Variants in PRKAR1B observed in about 807,000 individuals in gnomAD.
PRKAR1B encodes protein kinase cAMP-dependent type I regulatory subunit beta, also known as cAMP-dependent protein kinase type I-beta regulatory subunit.
Under a neutral mutation model 46.5 loss-of-function variants are expected in PRKAR1B, and 22 were observed. That is an observed-to-expected ratio of 0.47 (90% confidence interval 0.34 to 0.68). The LOEUF (loss-of-function observed/expected upper bound fraction) is 0.68, where lower values mean the gene tolerates loss of function less well. Among genes scored for constraint, PRKAR1B ranks in the 30% least tolerant of loss-of-function variants. PRKAR1B has a pLI of 0.01. For synonymous variants in PRKAR1B, 259 were observed against 217.7 expected (o/e 1.19, Z -1.67); for missense variants, 445 against 535.6 (o/e 0.83, Z 1.67).
At chr7:638,443 CCT>C (rs923222910) in intron 4 of PRKAR1B, among the ~76,000 whole-genome samples, 1 of 152,164 alleles carries the variant, frequency 6.6e-6, no homozygotes, top group Non-Finnish European at 1.5e-5. Context: ...CTCAGCAACT[CCT>C]CTGTGCACTC....
intron 8 of PRKAR1B, among the ~76,000 whole-genome samples, chr7:580,544 T>A (rs978047356): frequency 2.0e-5 from 3 of 152,242 alleles, no homozygotes; most frequent in Admixed American, 2.0e-4. Flanking sequence ...TACGTTCTAC[T>A]ATTTTAGGTC....
At chr7:676,158 C>T (rs1359533474) in intron 4 of PRKAR1B, among the ~76,000 whole-genome samples, 1 of 152,128 alleles carries the variant, frequency 6.6e-6, no homozygotes, top group Non-Finnish European at 1.5e-5. Context: ...GCCTGTCCCC[C>T]AAATATCCCC....
At chr7:708,320 C>T (rs1780438648) in intron 2 of PRKAR1B, among the ~76,000 whole-genome samples, 1 of 152,154 alleles carries the variant, frequency 6.6e-6, no homozygotes, top group Admixed American at 6.5e-5. Context: ...TGGGAGGAGA[C>T]ATTTCTGTTT....
chr7:596,867 G>A (rs1185384133), intron 6 of PRKAR1B, among the ~76,000 whole-genome samples: 1 of 152,278 alleles, frequency 6.6e-6, no homozygotes. Context: ...TCTCCTGCCA[G>A]GGCCTCCCTC....
intron 8 of PRKAR1B, among the ~76,000 whole-genome samples, chr7:583,823 C>G (rs1475338747): frequency 1.3e-5 from 2 of 152,116 alleles, no homozygotes; most frequent in African/African-American, 4.8e-5. Context: ...CACACACACG[C>G]ACACACACCC....
intron 9 of PRKAR1B, among the ~76,000 whole-genome samples, chr7:557,761 G>A (rs894109971): frequency 6.6e-6 from 1 of 152,194 alleles, no homozygotes; most frequent in Non-Finnish European, 1.5e-5. Context: ...CCACTTCCCA[G>A]ACTGCCACGA....
intron 1 of PRKAR1B, chr7:716,709 T>C (rs1780896030): frequency 6.6e-6 from 1 of 152,254 alleles, no homozygotes; most frequent in African/African-American, 2.4e-5. Context: ...AGATGCTTTG[T>C]TAAGCTGCTC....
intron 9 of PRKAR1B, among the ~76,000 whole-genome samples, chr7:578,582 C>T (rs532656935): frequency 7.9e-5 from 12 of 152,302 alleles, no homozygotes; most frequent in African/African-American, 2.6e-4. Context: ...ACGCCATGGC[C>T]GGGATGCGGA....
intron 4 of PRKAR1B, among the ~76,000 whole-genome samples, chr7:676,950 G>T (rs921200839): frequency 1.4e-5 from 2 of 141,062 alleles, no homozygotes; most frequent in African/African-American, 5.4e-5. Context: ...CTCCCGGAGG[G>T]CAAGGAGGGT....
At chr7:675,458 T>C (rs1456288438) in intron 4 of PRKAR1B, among the ~76,000 whole-genome samples, 1 of 152,224 alleles carries the variant, frequency 6.6e-6, no homozygotes, top group East Asian at 1.9e-4. Context: ...GTCATTTAGA[T>C]TTTATATAGG....
intron 9 of PRKAR1B, among the ~76,000 whole-genome samples, chr7:557,140 G>GC (rs1365018134): frequency 2.0e-5 from 3 of 152,204 alleles, no homozygotes; most frequent in African/African-American, 4.8e-5. Context: ...GAGTCTGGTG[G>GC]CCCCGGGACT....
intron 6 of PRKAR1B, among the ~76,000 whole-genome samples, chr7:601,089 G>A (rs1781563115): frequency 6.6e-6 from 1 of 152,214 alleles, no homozygotes; most frequent in Admixed American, 6.5e-5. Flanking sequence ...AAGCTCTGCT[G>A]GCTTAAAGGG....
At position 680,689 on chromosome 7, in the gene PRKAR1B, T is replaced by C. The variant is rs201442077; in HGVS notation, c.215A>G (p.Asn72Ser). ...NRQILARQKS[N>S]SQSDSHDEEV... is the part of the protein sequence containing the mutation. ...CTCATCATGGGAGTCCGACTGTGAG[T>C]TTGACTTTTGCCGCGCCAAAATCTG... The change falls in exon 3 of 11, where the codon AAC becomes AGC. Residue 72 changes from asparagine to serine, a missense_variant. Around this residue, in one of 5 missense-constraint regions of PRKAR1B, gnomAD observed 155 missense variants for 127.5 expected, o/e 1.22. Transcript: ENST00000537384. The C allele has an allele frequency of 9.9e-6, 16 of 1,613,836 alleles. No individual in the cohort carries two copies. In the East Asian group the frequency reaches 3.6e-4, roughly 36 times the overall value.
intron 2 of PRKAR1B, among the ~76,000 whole-genome samples, chr7:702,702 A>G (rs1780125809): frequency 6.6e-6 from 1 of 152,216 alleles, no homozygotes; most frequent in Admixed American, 6.5e-5. Context: ...AGGTGCCTGT[A>G]GTCCCAGCTA....
upstream of PRKAR1B, among the ~76,000 whole-genome samples, chr7:728,880 G>C (rs1222057503): frequency 6.6e-6 from 1 of 152,228 alleles, no homozygotes; most frequent in Non-Finnish European, 1.5e-5. Flanking sequence ...CAACGGCAGA[G>C]AGGTTGAGGC....
chr7:620,446 C>G (rs923988777), intron 4 of PRKAR1B, among the ~76,000 whole-genome samples: 1 of 152,154 alleles, frequency 6.6e-6, no homozygotes, highest in Non-Finnish European at 1.5e-5. Context: ...CCAGTTACTC[C>G]TCATCTGTGT....
intron 4 of PRKAR1B, among the ~76,000 whole-genome samples, chr7:631,303 C>A (rs1334102077): frequency 6.6e-6 from 1 of 152,220 alleles, no homozygotes; most frequent in Non-Finnish European, 1.5e-5. Context: ...TGGAAGTTGA[C>A]AGTGGCCAGG....
In PRKAR1B at chr7:680,719, T is replaced by C. The variant is rs371160585; in HGVS notation, c.185A>G (p.Asn62Ser). Reference sequence around the variant, plus strand: ...CTTTTGCCGCGCCAAAATCTGCCTGTTTTCTTCCTGTGTGGGAGAGGAAAA... The same window carrying C: ...CTTTTGCCGCGCCAAAATCTGCCTGCTTTCTTCCTGTGTGGGAGAGGAAAA... ...EHFEKLEKEENRQILARQKSN... is the reference protein window; with the variant it reads ...EHFEKLEKEESRQILARQKSN... Residue 62 changes from asparagine (N) to serine (S), a missense_variant, in exon 3 of 11, where the codon AAC becomes AGC. Physicochemically the swap from Asn to Ser is conservative, Grantham distance 46 (BLOSUM62 1). Around this residue, in one of 5 missense-constraint regions of PRKAR1B, gnomAD observed 155 missense variants for 127.5 expected, o/e 1.22. Coordinates refer to ENST00000537384, the MANE Select transcript of PRKAR1B (RefSeq NM_001164760.2). 1.3e-5 allele frequency: 21 copies of C among 1,613,784 alleles called. No homozygotes were observed. In the African/African-American group the frequency reaches 2.7e-4, roughly 21 times the overall value.
intron 2 of PRKAR1B, among the ~76,000 whole-genome samples, chr7:707,632 C>T (rs370374565): frequency 2.6e-5 from 4 of 152,300 alleles, no homozygotes; most frequent in East Asian, 3.9e-4. Context: ...GAGGAAGTTA[C>T]AAGAGGTCAT....
Sources: allele counts gnomAD v4.1 joint callset (sites outside exome capture counted in the v4.1 genomes callset), GRCh38; gene constraint gnomAD v4.1.1; regional missense constraint gnomAD v4.1.1; transcripts MANE v1.5; gene names NCBI Gene and HGNC (gene_info 2026-07-23, HGNC 2026-07-21).